SNX31: variants seen among roughly 807,000 people sequenced by gnomAD.
The protein encoded by SNX31 is sorting nexin 31.
Under a neutral mutation model 65.4 loss-of-function variants are expected in SNX31, and 58 were observed. That is an observed-to-expected ratio of 0.89 (90% CI 0.72 to 1.10). SNX31 has a LOEUF of 1.10. Among genes scored for constraint, SNX31 ranks in the 50% least tolerant of loss-of-function variants. The pLI, the probability that SNX31 is intolerant of heterozygous loss-of-function variation, is 0.00. For missense variants in SNX31, 523 were observed against 529.7 expected (o/e 0.99, Z 0.12); for synonymous variants, 181 against 190.1 (o/e 0.95, Z 0.39).
chr8:100,577,395 C>T (rs763307890), intron 12 of SNX31, among the ~76,000 whole-genome samples: 5 of 152,226 alleles, frequency 3.3e-5, no homozygotes, highest in Non-Finnish European at 7.3e-5. Context: ...TGAAATAATT[C>T]TTGGGGTTGC....
intron 2 of SNX31, among the ~76,000 whole-genome samples, chr8:100,639,761 A>G (rs1819028207): frequency 6.6e-6 from 1 of 152,248 alleles, no homozygotes; most frequent in Admixed American, 6.5e-5. Context: ...TCTAGTGCCC[A>G]GATCTTAGAT....
intron 11 of SNX31, among the ~76,000 whole-genome samples, chr8:100,584,730 A>ATTTTTC (rs564364161): frequency 2.9e-5 from 4 of 137,560 alleles, no homozygotes; most frequent in South Asian, 2.3e-4. Context: ...TCACTTTCTT[A>ATTTTTC]TTTTTCTTTT....
intron 2 of SNX31, among the ~76,000 whole-genome samples, chr8:100,646,858 T>C (rs1195459220): frequency 6.6e-6 from 1 of 152,212 alleles, no homozygotes; most frequent in African/African-American, 2.4e-5. Context: ...ACGATTTATT[T>C]TATCAACGTT....
intron 3 of SNX31, among the ~76,000 whole-genome samples, chr8:100,631,885 G>A (rs184489848): frequency 6.6e-6 from 1 of 152,198 alleles, no homozygotes. Context: ...AATGAGGAAA[G>A]CTGCTGAAAA....
At chr8:100,585,216 C>T (rs1813934523) in intron 11 of SNX31, among the ~76,000 whole-genome samples, 1 of 152,154 alleles carries the variant, frequency 6.6e-6, no homozygotes, top group African/African-American at 2.4e-5. Flanking sequence ...TGTGATTTTC[C>T]CATTTGCTCC....
At chr8:100,590,041 C>G (rs946943665) in intron 10 of SNX31, among the ~76,000 whole-genome samples, 3 of 152,204 alleles carry the variant, frequency 2.0e-5, no homozygotes, top group African/African-American at 7.2e-5. Flanking sequence ...TCTTAACTTT[C>G]TAAAGCCTCT....
At position 100,662,727 on chromosome 8, in the gene SNX31, A is replaced by G. The variant is rs917523459; in HGVS notation, c.-58+415T>C. 1.1e-4 allele frequency among the ~76,000 whole-genome samples: 17 copies of G among 152,200 alleles called. No homozygotes were observed. In the East Asian group the frequency reaches 3.1e-3, roughly 28 times the overall value. On this transcript the variant is annotated intron_variant, in intron 1 of 5. Transcript: ENST00000520352. The stretch of plus-strand genomic sequence containing the variant: ...AATAAAATAAAAATAAATAACTGCC[A>G]TCCTTTCTCATCTAAACTGTCCTAC...
At chr8:100,581,132 CAAA>C (rs60802013) in intron 12 of SNX31, among the ~76,000 whole-genome samples, 1 of 79,640 alleles carries the variant, frequency 1.3e-5, no homozygotes, top group South Asian at 3.7e-4. Context: ...CTTACCTCTA[CAAA>C]AAAAAAAAAA....
At chr8:100,603,311 A>G (rs1815820132) in intron 8 of SNX31, among the ~76,000 whole-genome samples, 1 of 152,230 alleles carries the variant, frequency 6.6e-6, no homozygotes, top group South Asian at 2.1e-4. Context: ...GTGTAAGGAT[A>G]AACAGGAGTC....
In SNX31 at chr8:100,604,220, ACT is replaced by A. The variant is rs1350571564; in HGVS notation, c.682-3781_682-3780del. ...CTGAGAGGGGAGTATGCAGAATTGA[ACT>A]TAAAAAATCAAGCATCCTAAAGGTG... On this transcript the variant is annotated intron_variant, in intron 8 of 13. Transcript: ENST00000311812. This position sits in a 1 kb window ranked among gnomAD's most constrained non-coding sequence, Gnocchi z 4.3. Among the ~76,000 whole-genome samples the A allele has an allele frequency of 6.6e-6, 1 of 152,190 alleles. No homozygotes were observed. The highest frequency in any genetic ancestry group is 1.5e-5 in the Non-Finnish European group (1 of 68,028).
At chr8:100,662,757 T>TAA (rs1292290814) in intron 1 of SNX31, among the ~76,000 whole-genome samples, 1 of 152,180 alleles carries the variant, frequency 6.6e-6, no homozygotes, top group East Asian at 1.9e-4. Flanking sequence ...TCCTACCAGA[T>TAA]GTTTAAGTCC....
intron 1 of SNX31, among the ~76,000 whole-genome samples, chr8:100,656,119 C>T (rs1457080782): frequency 6.6e-6 from 1 of 152,108 alleles, no homozygotes; most frequent in Non-Finnish European, 1.5e-5. Flanking sequence ...TTACATTGTA[C>T]CTGTTCACAT....
chr8:100,651,088 G>A (rs1333947265), upstream of SNX31, among the ~76,000 whole-genome samples: 6 of 152,170 alleles, frequency 3.9e-5, no homozygotes, highest in Non-Finnish European at 7.3e-5. Context: ...TTGACCTCAG[G>A]TGATCTGTCC....
At chr8:100,577,457 C>T (rs1333541391) in intron 12 of SNX31, among the ~76,000 whole-genome samples, 1 of 152,168 alleles carries the variant, frequency 6.6e-6, no homozygotes, top group Non-Finnish European at 1.5e-5. Context: ...TCAAAAGCCA[C>T]CATTAATCAA....
chr8:100,621,636 C>T (rs1370508527), intron 4 of SNX31, among the ~76,000 whole-genome samples: 2 of 152,236 alleles, frequency 1.3e-5, no homozygotes, highest in African/African-American at 4.8e-5. Flanking sequence ...TCCTTGCTTC[C>T]ATTCTCCTCC....
In SNX31 at chr8:100,596,731, C is replaced by T; in HGVS notation, c.886G>A (p.Glu296Lys). ...GGCAGGGTGATGCAGCAGCTGATCT[C>T]ATTATTGCCAACAGAAAGAACAGCT... ...SGAVLSVGNN[E>K]ISCCITLPDS... Residue 296 changes from glutamate (E) to lysine (K), a missense_variant, in exon 10 of 14, where the codon GAG becomes AAG. Transcript: ENST00000311812. 6.2e-7 allele frequency: 1 copy of T among 1,614,112 alleles called. No homozygotes were observed. The highest frequency in any genetic ancestry group is 2.2e-5 in the East Asian group (1 of 44,884).
chr8:100,647,711 G>A (rs561250590), intron 2 of SNX31, among the ~76,000 whole-genome samples: 8 of 152,274 alleles, frequency 5.3e-5, no homozygotes, highest in African/African-American at 1.9e-4. Context: ...CAGCCAGGAC[G>A]CAGTTGATCA....
In SNX31 at chr8:100,632,708, A is replaced by G. The variant is rs12235011; in HGVS notation, c.257-2317T>C. On this transcript the variant is annotated intron_variant, in intron 3 of 13. Coordinates refer to ENST00000311812, the MANE Select transcript of SNX31 (RefSeq NM_152628.4). Reference sequence around the variant, plus strand: ...TCAAATCACAGCTCAGGAGGTCGAGACTGCAGTGAGCTGTGATTGCACCAC... The same window carrying G: ...TCAAATCACAGCTCAGGAGGTCGAGGCTGCAGTGAGCTGTGATTGCACCAC... Among the ~76,000 whole-genome samples, 84 of 152,034 alleles carry G rather than the reference A, an allele frequency of 5.5e-4. No individual in the cohort carries two copies. The East Asian group carries it at 0.013, about 23-fold the overall frequency.
chr8:100,627,096 G>A (rs1033078664), intron 4 of SNX31, among the ~76,000 whole-genome samples: 1 of 152,226 alleles, frequency 6.6e-6, no homozygotes, highest in African/African-American at 2.4e-5. Context: ...GCTCACGTCT[G>A]TAATCCCAGC....
Sources: allele counts gnomAD v4.1 joint callset (sites outside exome capture counted in the v4.1 genomes callset), GRCh38; gene constraint gnomAD v4.1.1; non-coding constraint Gnocchi (gnomAD v3.1); transcripts MANE v1.5; gene names NCBI Gene and HGNC (gene_info 2026-07-23, HGNC 2026-07-21).